Variants in KHDRBS2 observed in about 807,000 individuals in gnomAD.
KHDRBS2 encodes KH domain-containing, RNA-binding, signal transduction-associated protein 2.
Under a neutral mutation model 44.3 loss-of-function variants are expected in KHDRBS2, and 26 were observed. That is an observed-to-expected ratio of 0.59 (90% CI 0.43 to 0.81). The LOEUF (loss-of-function observed/expected upper bound fraction) is 0.81. KHDRBS2 is among the 40% of genes least tolerant of loss of function. The pLI is 0.00. For synonymous variants in KHDRBS2, 194 were observed against 151.1 expected, an observed-to-expected ratio of 1.28 and a Z score of -2.08; for missense variants, 476 against 433.1, an observed-to-expected ratio of 1.10 and a Z score of -0.88.
chr6:62,061,920 T>C lies in KHDRBS2; in HGVS notation c.220-13926A>G, dbSNP rs1176092561. On this transcript the variant is annotated intron_variant, in intron 2 of 8. Coordinates refer to ENST00000281156, the MANE Select transcript of KHDRBS2 (RefSeq NM_152688.4). Reference sequence around the variant, plus strand: ...ACTTCCCTTCTCGCTTCATTTCATTTATTTCATCTTCCATCGCTGATACCC... The same window carrying C: ...ACTTCCCTTCTCGCTTCATTTCATTCATTTCATCTTCCATCGCTGATACCC... Among the ~76,000 whole-genome samples, 4 of 151,890 alleles carry C rather than the reference T, an allele frequency of 2.6e-5. No homozygotes were observed. The South Asian group carries it at 8.3e-4, about 32-fold the overall frequency.
At chr6:61,662,378 A>G in the KHDRBS2 span, among the ~76,000 whole-genome samples, 1 of 151,114 alleles carries the variant, frequency 6.6e-6, no homozygotes, top group Non-Finnish European at 1.5e-5. Flanking sequence ...CAATGGCAAC[A>G]AAAGCCAAAA....
chr6:61,630,245 C>T, the KHDRBS2 span: 1 of 152,100 alleles, frequency 6.6e-6, no homozygotes, highest in South Asian at 2.1e-4. Context: ...ATTTTAAACA[C>T]TTGTTTATTA....
At chr6:61,660,780 C>T in the KHDRBS2 span, among the ~76,000 whole-genome samples, 1 of 151,588 alleles carries the variant, frequency 6.6e-6, no homozygotes, top group African/African-American at 2.4e-5. Context: ...TGAACTTCTC[C>T]TCTAATAAAA....
chr6:62,096,352 C>T (rs186702771), intron 2 of KHDRBS2, among the ~76,000 whole-genome samples: 2 of 151,940 alleles, frequency 1.3e-5, no homozygotes, highest in Admixed American at 1.3e-4. Flanking sequence ...GCCTTCTGGT[C>T]CTAGATTTTT....
downstream of KHDRBS2, among the ~76,000 whole-genome samples, chr6:61,678,567 C>T (rs1326073719): frequency 4.0e-5 from 6 of 151,852 alleles, no homozygotes; most frequent in Non-Finnish European, 7.4e-5. Flanking sequence ...AGTTTTATTG[C>T]GCTTTCTTTG....
intron 6 of KHDRBS2, among the ~76,000 whole-genome samples, chr6:61,878,374 G>A (rs1163950495): frequency 6.6e-6 from 1 of 151,932 alleles, no homozygotes; most frequent in Non-Finnish European, 1.5e-5. Context: ...CTCCCAACAA[G>A]ACTTTGTTTT....
At chr6:61,742,494 T>C (rs941653159) in intron 6 of KHDRBS2, among the ~76,000 whole-genome samples, 2 of 152,080 alleles carry the variant, frequency 1.3e-5, no homozygotes, top group African/African-American at 4.8e-5. Context: ...GTATTTTTTC[T>C]TTAAAATGTT....
intron 6 of KHDRBS2, among the ~76,000 whole-genome samples, chr6:61,894,062 A>G (rs1232979146): frequency 2.0e-5 from 3 of 152,210 alleles, no homozygotes; most frequent in Non-Finnish European, 4.4e-5. Context: ...ATGTTTAGAT[A>G]CATAAGATGA....
At chr6:61,839,113 A>G (rs1280647697) in intron 6 of KHDRBS2, among the ~76,000 whole-genome samples, 1 of 152,050 alleles carries the variant, frequency 6.6e-6, no homozygotes, top group Non-Finnish European at 1.5e-5. Context: ...ATCTCATTTT[A>G]TAGAGATGGG....
chr6:62,200,498 C>T (rs181907067), intron 1 of KHDRBS2, among the ~76,000 whole-genome samples: 13 of 152,194 alleles, frequency 8.5e-5, no homozygotes, highest in East Asian at 5.8e-4. Context: ...TTATCATCAC[C>T]GGCCATCAGA....
chr6:61,727,907 G>T (rs1355344740), intron 7 of KHDRBS2, among the ~76,000 whole-genome samples: 2 of 152,034 alleles, frequency 1.3e-5, no homozygotes, highest in African/African-American at 4.8e-5. Context: ...CTTTGACCCA[G>T]CAATCCCATT....
At chr6:62,253,219 T>C (rs1836830560) in intron 1 of KHDRBS2, among the ~76,000 whole-genome samples, 1 of 152,068 alleles carries the variant, frequency 6.6e-6, no homozygotes, top group African/African-American at 2.4e-5. Context: ...CCAGGAATGT[T>C]TGGTATACAG....
chr6:61,885,673 C>T (rs1157274586), intron 6 of KHDRBS2, among the ~76,000 whole-genome samples: 1 of 152,140 alleles, frequency 6.6e-6, no homozygotes, highest in African/African-American at 2.4e-5. Flanking sequence ...GATAGTCATG[C>T]CCACTCTACC....
In KHDRBS2 at chr6:62,233,227, T is replaced by C. The variant is rs567005192; in HGVS notation, c.91+52631A>G. Among the ~76,000 whole-genome samples, 3 of 152,154 alleles carry C rather than the reference T, an allele frequency of 2.0e-5. No individual in the cohort carries two copies. In the East Asian group the frequency reaches 5.8e-4, roughly 30 times the overall value. ...AAAGAAGGAAGGTGTAATGAGTAAG[T>C]GGGTAAAATATACATCCAACAATAA... On this transcript the variant is annotated intron_variant, in intron 1 of 8. Transcript: ENST00000281156.
chr6:62,089,185 A>G (rs1185910020), intron 2 of KHDRBS2, among the ~76,000 whole-genome samples: 3 of 149,102 alleles, frequency 2.0e-5, no homozygotes, highest in African/African-American at 7.4e-5. Flanking sequence ...CCTGAGCTAG[A>G]TCGCTTGGCT....
At chr6:62,008,015 T>C (rs1779581968) in intron 3 of KHDRBS2, among the ~76,000 whole-genome samples, 1 of 152,108 alleles carries the variant, frequency 6.6e-6, no homozygotes, top group African/African-American at 2.4e-5. Flanking sequence ...TTTCATATGT[T>C]AAAAAATGCC....
the KHDRBS2 span, among the ~76,000 whole-genome samples, chr6:61,554,103 A>G: frequency 6.6e-6 from 1 of 152,100 alleles, no homozygotes; most frequent in Non-Finnish European, 1.5e-5. Flanking sequence ...TTGGGGTGTT[A>G]AAGTCTTCCA....
chr6:61,626,505 A>G, the KHDRBS2 span, among the ~76,000 whole-genome samples: 5 of 152,154 alleles, frequency 3.3e-5, no homozygotes, highest in South Asian at 8.3e-4. Flanking sequence ...GCATTTGTCT[A>G]ACAAGAAAGA....
chr6:62,243,851 T>C (rs770391498), intron 1 of KHDRBS2, among the ~76,000 whole-genome samples: 5 of 152,112 alleles, frequency 3.3e-5, no homozygotes, highest in Non-Finnish European at 5.9e-5. Flanking sequence ...GAGCCTGACA[T>C]AGTAGATATT....
Sources: allele counts gnomAD v4.1 joint callset (sites outside exome capture counted in the v4.1 genomes callset), GRCh38; gene constraint gnomAD v4.1.1; transcripts MANE v1.5; gene names NCBI Gene and HGNC (gene_info 2026-07-23, HGNC 2026-07-21).